FRYL: variants seen among roughly 807,000 people sequenced by gnomAD.
The protein encoded by FRYL is FRY like transcription coactivator.
In FRYL, 150 loss-of-function variants were observed where a neutral mutation model predicts 351.2. That is an observed-to-expected ratio of 0.43 (90% CI 0.37 to 0.49). The LOEUF is 0.49. Among genes scored for constraint, FRYL ranks in the 20% least tolerant of loss-of-function variants. The pLI, the probability that FRYL is intolerant of heterozygous loss-of-function variation, is 0.00. For synonymous variants in FRYL, 1,153 were observed against 1,257.1 expected, an observed-to-expected ratio of 0.92 and a Z score of 1.75; for missense variants, 3,036 against 3,619.3, an observed-to-expected ratio of 0.84 and a Z score of 4.13.
chr4:48,609,920 T>G, intron 7 of FRYL, 97 bp from the exon 8 acceptor site: 2 of 565,748 alleles, frequency 3.5e-6, no homozygotes, highest in East Asian at 6.5e-5. Context: ...TCAATCTTAA[T>G]GTTCATGGGA....
chr4:48,693,738 C>T (rs1318763634), intron 2 of FRYL, among the ~76,000 whole-genome samples: 1 of 152,072 alleles, frequency 6.6e-6, no homozygotes, highest in Non-Finnish European at 1.5e-5. Flanking sequence ...TAAAAACATA[C>T]TACAATGCAT....
intron 2 of FRYL, among the ~76,000 whole-genome samples, chr4:48,686,295 C>T (rs1765144919): frequency 6.6e-6 from 1 of 152,100 alleles, no homozygotes; most frequent in South Asian, 2.1e-4. Context: ...TAAATCATGA[C>T]TAAAGCCAAA....
chr4:48,651,977 T>C (rs1484505465), intron 3 of FRYL, among the ~76,000 whole-genome samples: 2 of 152,232 alleles, frequency 1.3e-5, no homozygotes, highest in African/African-American at 2.4e-5. Flanking sequence ...CTTCATGAGA[T>C]GTGTACTATG....
chr4:48,683,747 A>C (rs529239712), intron 3 of FRYL, among the ~76,000 whole-genome samples: 1 of 152,342 alleles, frequency 6.6e-6, no homozygotes, highest in African/African-American at 2.4e-5. Context: ...TTAATCTTCA[A>C]GCATAAAAGT....
At chr4:48,558,115 T>C (rs940507887) in intron 33 of FRYL, among the ~76,000 whole-genome samples, 1 of 152,288 alleles carries the variant, frequency 6.6e-6, no homozygotes, top group African/African-American at 2.4e-5. Flanking sequence ...TGTACATCCA[T>C]GTTCATTAAC....
chr4:48,742,379 T>C (rs960480470), intron 1 of FRYL, among the ~76,000 whole-genome samples: 1 of 152,154 alleles, frequency 6.6e-6, no homozygotes, highest in Non-Finnish European at 1.5e-5. Context: ...CATCACATTG[T>C]GTAAGTTTTC....
intron 2 of FRYL, among the ~76,000 whole-genome samples, chr4:48,703,523 A>G (rs1295139758): frequency 6.6e-6 from 1 of 152,118 alleles, no homozygotes; most frequent in African/African-American, 2.4e-5. Context: ...TTCATTTCCT[A>G]GAAGTCCAAC....
chr4:48,559,415 T>A (rs1339348177), intron 33 of FRYL, among the ~76,000 whole-genome samples: 1 of 135,082 alleles, frequency 7.4e-6, no homozygotes, highest in Non-Finnish European at 1.5e-5. Context: ...GATATGGGGC[T>A]GGGTGCGGTG....
chr4:48,653,807 AAGCAGCAGCAGC>A (rs67820516), intron 3 of FRYL: 24 of 1,274,848 alleles, frequency 1.9e-5, no homozygotes, highest in African/African-American at 4.6e-5. Flanking sequence ...TCAGCTGCAA[AAGCAGCAGCAGC>A]AGCAGCAGCA....
chr4:48,709,931 T>C (rs1405590540), intron 2 of FRYL, among the ~76,000 whole-genome samples: 2 of 152,224 alleles, frequency 1.3e-5, no homozygotes, highest in East Asian at 3.8e-4. Context: ...AAAATGAACC[T>C]ATTTTAATCA....
At chr4:48,521,699 TA>T (rs1311036800) in intron 54 of FRYL, among the ~76,000 whole-genome samples, 6 of 152,148 alleles carry the variant, frequency 3.9e-5, no homozygotes, top group Admixed American at 2.6e-4. Context: ...CTAATACACG[TA>T]AAACACCTTG....
intron 38 of FRYL, 164 bp downstream of exon 38, chr4:48,550,428 C>T: frequency 3.6e-6 from 2 of 562,926 alleles, no homozygotes; most frequent in Non-Finnish European, 3.1e-6. Context: ...AATTACGTTG[C>T]TTCTTAAAAT....
intron 2 of FRYL, 66 bp downstream of exon 2, chr4:48,710,453 C>A (rs1767878542): frequency 1.8e-5 from 7 of 398,238 alleles, no homozygotes; most frequent in Non-Finnish European, 3.1e-5. Context: ...GCAAAAAGTG[C>A]AGGTATTAAC....
chr4:48,729,398 G>A (rs532263960), intron 1 of FRYL, among the ~76,000 whole-genome samples: 138 of 152,288 alleles, frequency 9.1e-4, no homozygotes, highest in Middle Eastern at 3.4e-3. Flanking sequence ...CTCCCAGCAC[G>A]GTGTTCGAGC....
intron 36 of FRYL, among the ~76,000 whole-genome samples, chr4:48,552,244 G>GGTGTGTGTGT (rs67155390): frequency 6.1e-4 from 88 of 145,348 alleles, no homozygotes; most frequent in African/African-American, 2.2e-3. Flanking sequence ...AGTCCAAAGG[G>GGTGTGTGTGT]GTGTGTGTGT....
intron 2 of FRYL, among the ~76,000 whole-genome samples, chr4:48,703,046 A>T (rs1766941138): frequency 6.6e-6 from 1 of 152,166 alleles, no homozygotes; most frequent in Admixed American, 6.5e-5. Flanking sequence ...CTGCCCAAAG[A>T]AAGTTGTCTC....
At chr4:48,776,246 C>T (rs1298321481) in intron 1 of FRYL, among the ~76,000 whole-genome samples, 1 of 151,522 alleles carries the variant, frequency 6.6e-6, no homozygotes, top group Non-Finnish European at 1.5e-5. Flanking sequence ...CCTCAGCCTC[C>T]CAAAGTCCTG....
chr4:48,704,186 A>AGATT (rs1172161692), intron 2 of FRYL, among the ~76,000 whole-genome samples: 1 of 152,200 alleles, frequency 6.6e-6, no homozygotes, highest in African/African-American at 2.4e-5. Flanking sequence ...CAAAGACAAG[A>AGATT]GATTGGTATT....
At chr4:48,521,996 G>T (rs774629522) in intron 54 of FRYL, among the ~76,000 whole-genome samples, 16 of 152,168 alleles carry the variant, frequency 1.1e-4, no homozygotes, top group African/African-American at 1.7e-4. Context: ...AAAGGTAGGT[G>T]GCTGGGTGCG....
Sources: gnomAD v4.1 joint callset for allele counts (sites outside exome capture counted in the v4.1 genomes callset) on GRCh38, gnomAD v4.1.1 for gene constraint, MANE v1.5 for transcripts, NCBI Gene and HGNC (gene_info 2026-07-23, HGNC 2026-07-21) for gene names.